The following MIPOL1 variants were observed in gnomAD, a reference collection of about 807,000 sequenced individuals.
The protein encoded by MIPOL1 is mirror-image polydactyly gene 1 protein.
Under a neutral mutation model 60.9 loss-of-function variants are expected in MIPOL1, and 57 were observed. That is an observed-to-expected ratio of 0.94 (90% confidence interval 0.76 to 1.17). The LOEUF (loss-of-function observed/expected upper bound fraction) is 1.17. Among genes scored for constraint, MIPOL1 ranks in the 50% most tolerant of loss-of-function variants. The pLI is 0.00. For missense variants in MIPOL1, 551 were observed against 511.6 expected (o/e 1.08, Z -0.74); for synonymous variants, 179 against 168.8 (o/e 1.06, Z -0.47).
chr14:37,515,114 C>T (rs2095359284), intron 12 of MIPOL1, among the ~76,000 whole-genome samples: 1 of 152,084 alleles, frequency 6.6e-6, no homozygotes, highest in Non-Finnish European at 1.5e-5. Flanking sequence ...ATGGAGAAAT[C>T]ATAAACATTG....
intron 9 of MIPOL1, among the ~76,000 whole-genome samples, chr14:37,338,108 A>ATTTT (rs61425558): frequency 3.0e-5 from 4 of 134,876 alleles, no homozygotes; most frequent in South Asian, 2.3e-4. Flanking sequence ...ATTTAATTTA[A>ATTTT]TTTTTTTTTT....
At chr14:37,390,050 A>T (rs1278959418) in intron 10 of MIPOL1, among the ~76,000 whole-genome samples, 4 of 151,802 alleles carry the variant, frequency 2.6e-5, no homozygotes, top group African/African-American at 9.7e-5. Context: ...AAAAATATAT[A>T]TATGTATATA....
chr14:37,336,220 A>T lies in MIPOL1; in HGVS notation c.828+27701A>T, dbSNP rs113817470. On this transcript the variant is annotated intron_variant, in intron 9 of 12. Coordinates refer to ENST00000684589, the MANE Select transcript of MIPOL1 (RefSeq NM_001388067.1). ...TACCTTTATCAAAAATGACTTGTCT[A>T]TATATGCACAGGTTTACTTTTAGAC... Among the ~76,000 whole-genome samples, 172 of 150,640 alleles carry T rather than the reference A, an allele frequency of 1.1e-3. 1 individual carries two copies. Among genetic ancestry groups the T allele is most frequent in the African/African-American group, 4.1e-3 (168 of 41,030 alleles).
At chr14:37,383,421 T>C (rs1244177874) in intron 10 of MIPOL1, among the ~76,000 whole-genome samples, 1 of 151,910 alleles carries the variant, frequency 6.6e-6, no homozygotes, top group Non-Finnish European at 1.5e-5. Flanking sequence ...TTTTAAATAC[T>C]AGAAAGACTA....
chr14:37,461,164 A>G (rs1290192424), intron 11 of MIPOL1, among the ~76,000 whole-genome samples: 1 of 152,174 alleles, frequency 6.6e-6, no homozygotes, highest in Non-Finnish European at 1.5e-5. Flanking sequence ...CTGTTTTCAC[A>G]CTGCTGATAA....
At position 37,290,324 on chromosome 14, in the gene MIPOL1, C is replaced by T. The variant is rs969801111; in HGVS notation, c.623+4877C>T. Among the ~76,000 whole-genome samples the T allele has an allele frequency of 1.1e-3, 174 of 152,174 alleles. 1 individual carries two copies. Among genetic ancestry groups the T allele is most frequent in the African/African-American group, 3.9e-3 (163 of 41,526 alleles). ...CACCACAACCTCCGCCTCCCAGGTCCGAGCTATTTTCCCACCTCAGCCTCC... is the reference window on the plus strand; with the variant it reads ...CACCACAACCTCCGCCTCCCAGGTCTGAGCTATTTTCCCACCTCAGCCTCC... On this transcript the variant is annotated intron_variant, in intron 7 of 12. Transcript: ENST00000684589.
In MIPOL1 at chr14:37,499,970, C is replaced by T. The variant is rs2095191941; in HGVS notation, c.1094C>T (p.Thr365Ile). Residue 365 changes from threonine to isoleucine, a missense_variant, in exon 12 of 13, where the codon ACA (threonine) becomes ATA (isoleucine). Physicochemically the swap from Thr to Ile is moderately conservative, Grantham distance 89 (BLOSUM62 -1). Coordinates refer to ENST00000684589, the MANE Select transcript of MIPOL1 (RefSeq NM_001388067.1). ...LKDQFNYTLS[T>I]YEEALKNREN... ...GATCAGTTTAACTATACCCTTAGTA[C>T]ATATGAAGAAGCTTTAAAAAACAGA... 6.2e-7 allele frequency: 1 copy of T among 1,612,498 alleles called. No homozygotes were observed.
At chr14:37,267,804 A>G (rs963172215) in intron 4 of MIPOL1, among the ~76,000 whole-genome samples, 1 of 152,222 alleles carries the variant, frequency 6.6e-6, no homozygotes, top group Non-Finnish European at 1.5e-5. Context: ...TCATGAAAGT[A>G]AAAAACTGGC....
At chr14:37,485,497 G>C (rs903864512) in intron 11 of MIPOL1, among the ~76,000 whole-genome samples, 27 of 152,074 alleles carry the variant, frequency 1.8e-4, no homozygotes, top group African/African-American at 6.0e-4. Context: ...AGCATCTGTT[G>C]TTTCCTGATT....
intron 10 of MIPOL1, among the ~76,000 whole-genome samples, chr14:37,376,291 G>A (rs563865982): frequency 1.3e-5 from 2 of 152,240 alleles, no homozygotes; most frequent in South Asian, 4.2e-4. Context: ...ATAGTATCAT[G>A]CAGGACAGTT....
intron 9 of MIPOL1, among the ~76,000 whole-genome samples, chr14:37,365,418 G>A (rs900251243): frequency 6.6e-6 from 1 of 152,054 alleles, no homozygotes; most frequent in African/African-American, 2.4e-5. Context: ...TTATCATGAA[G>A]GGATGTTAAA....
intron 7 of MIPOL1, among the ~76,000 whole-genome samples, chr14:37,305,350 G>C (rs2086693776): frequency 6.6e-6 from 1 of 151,742 alleles, no homozygotes; most frequent in South Asian, 2.1e-4. Context: ...CTGTATCAAG[G>C]ATTTGCAAAG....
At chr14:37,483,540 T>C (rs954073670) in intron 11 of MIPOL1, among the ~76,000 whole-genome samples, 8 of 152,164 alleles carry the variant, frequency 5.3e-5, no homozygotes, top group Admixed American at 3.9e-4. Context: ...GCCAACTGTA[T>C]AGCCATTATG....
intron 10 of MIPOL1, among the ~76,000 whole-genome samples, chr14:37,393,082 T>C (rs1327078254): frequency 6.6e-6 from 1 of 151,958 alleles, no homozygotes; most frequent in Non-Finnish European, 1.5e-5. Context: ...AAAAAAGCCA[T>C]GTAATGAGGC....
In MIPOL1 at chr14:37,254,927, A is replaced by T. The variant is rs552406102; in HGVS notation, c.19+7020A>T. Among the ~76,000 whole-genome samples the T allele has an allele frequency of 7.9e-5, 12 of 151,898 alleles. No individual in the cohort carries two copies. The East Asian group carries it at 2.3e-3, about 29-fold the overall frequency. Reference sequence around the variant, plus strand: ...TGTTTCTTTAGGTTAAGGAAATACAAACTCTACTTTAAATATGCAAATTCT... The same window carrying T: ...TGTTTCTTTAGGTTAAGGAAATACATACTCTACTTTAAATATGCAAATTCT... On this transcript the variant is annotated intron_variant, in intron 3 of 12. Transcript: ENST00000684589.
chr14:37,511,570 A>T (rs2153624039), intron 12 of MIPOL1, among the ~76,000 whole-genome samples: 2 of 152,316 alleles, frequency 1.3e-5, no homozygotes, highest in Middle Eastern at 6.8e-3. Context: ...TTCATGAGAG[A>T]TTTAAAACTT....
chr14:37,498,142 T>C (rs184615918), intron 11 of MIPOL1, among the ~76,000 whole-genome samples: 138 of 152,210 alleles, frequency 9.1e-4, no homozygotes, highest in Admixed American at 1.9e-3. Flanking sequence ...AGTTTAAAAA[T>C]AGGCAATTTA....
intron 10 of MIPOL1, among the ~76,000 whole-genome samples, chr14:37,372,734 AACAGAG>A (rs2092673788): frequency 7.0e-6 from 1 of 143,330 alleles, no homozygotes; most frequent in African/African-American, 2.6e-5. Context: ...CAGCCTGGGC[AACAGAG>A]TGAGACTCCG....
At chr14:37,491,709 TA>T (rs200121328) in intron 11 of MIPOL1, among the ~76,000 whole-genome samples, 2,738 of 152,314 alleles carry the variant, frequency 0.018, 77 homozygotes, top group African/African-American at 0.061. Flanking sequence ...TTATCCAGTT[TA>T]AAATTCTTGA....
Sources: allele counts gnomAD v4.1 joint callset (sites outside exome capture counted in the v4.1 genomes callset), GRCh38; gene constraint gnomAD v4.1.1; transcripts MANE v1.5; gene names NCBI Gene and HGNC (gene_info 2026-07-23, HGNC 2026-07-21).